The following GBE1 variants were observed in gnomAD, a reference collection of about 807,000 sequenced individuals.
The protein encoded by GBE1 is 1,4-alpha-glucan branching enzyme 1.
In GBE1, 70 loss-of-function variants were observed where a neutral mutation model predicts 88.8. That is an observed-to-expected ratio of 0.79 (90% CI 0.65 to 0.96). GBE1 has a LOEUF of 0.96. GBE1 is among the 40% of genes least tolerant of loss of function. The probability of loss-of-function intolerance (pLI) is 0.00; values close to 1 mark genes in which losing one functional copy is unlikely to be tolerated. For missense variants in GBE1, 872 were observed against 871.0 expected, an observed-to-expected ratio of 1.00 and a Z score of -0.01; for synonymous variants, 284 against 300.1, an observed-to-expected ratio of 0.95 and a Z score of 0.56.
At chr3:81,742,044 TTC>T (rs1706357054) in intron 1 of GBE1, among the ~76,000 whole-genome samples, 3 of 151,956 alleles carry the variant, frequency 2.0e-5, no homozygotes, top group Admixed American at 6.6e-5. Flanking sequence ...TCTTGCATGT[TTC>T]TGTTTGCCAG....
At chr3:81,698,113 A>G (rs1051850054) in intron 2 of GBE1, among the ~76,000 whole-genome samples, 1 of 150,000 alleles carries the variant, frequency 6.7e-6, no homozygotes, top group Non-Finnish European at 1.5e-5. Context: ...TCTAACAGCA[A>G]TCTCCTAAAA....
chr3:81,672,994 T>C (rs904923652), intron 2 of GBE1, among the ~76,000 whole-genome samples: 1 of 151,926 alleles, frequency 6.6e-6, no homozygotes, highest in Non-Finnish European at 1.5e-5. Context: ...TTCTCCATCA[T>C]GAAGACAACC....
chr3:81,585,359 A>G (rs1351473521), intron 10 of GBE1, among the ~76,000 whole-genome samples: 1 of 152,146 alleles, frequency 6.6e-6, no homozygotes, highest in African/African-American at 2.4e-5. Context: ...TGTCTGAAAT[A>G]AAGGGCTCAT....
At chr3:81,629,752 C>T (rs908240135) in intron 7 of GBE1, among the ~76,000 whole-genome samples, 4 of 151,944 alleles carry the variant, frequency 2.6e-5, no homozygotes, top group Non-Finnish European at 4.4e-5. Flanking sequence ...TTTTAGGGTA[C>T]ATGTGCACAA....
At chr3:81,636,474 T>A (rs1406533129) in intron 7 of GBE1, among the ~76,000 whole-genome samples, 2 of 152,118 alleles carry the variant, frequency 1.3e-5, no homozygotes, top group African/African-American at 4.8e-5. Context: ...TTTGGAATAG[T>A]TAGCTGTTTG....
At chr3:81,623,241 C>T (rs771347814) in intron 7 of GBE1, among the ~76,000 whole-genome samples, 4 of 152,178 alleles carry the variant, frequency 2.6e-5, no homozygotes, top group Non-Finnish European at 5.9e-5. Context: ...CCTGGCCTTC[C>T]TTTAAACACA....
chr3:81,527,199 C>T (rs558311769), intron 14 of GBE1, among the ~76,000 whole-genome samples: 29 of 152,222 alleles, frequency 1.9e-4, no homozygotes, highest in Non-Finnish European at 2.6e-4. Flanking sequence ...CCCTTCCTTA[C>T]GCCTTATATT....
chr3:81,631,454 T>A (rs1233308267), intron 7 of GBE1, among the ~76,000 whole-genome samples: 1 of 151,786 alleles, frequency 6.6e-6, no homozygotes, highest in East Asian at 1.9e-4. Context: ...AATTTAACAA[T>A]GACCAGGCGT....
rs1704027117 is a variant in GBE1, at chr3:81,601,062, T to C, written c.993-7039A>G. Among the ~76,000 whole-genome samples the C allele has an allele frequency of 2.0e-5, 3 of 152,094 alleles. No homozygotes were observed. In the South Asian group the frequency reaches 6.2e-4, roughly 31 times the overall value. On this transcript the variant is annotated intron_variant, in intron 7 of 15. Transcript: ENST00000429644. The stretch of plus-strand genomic sequence containing the variant: ...TAAATAATATATATGTTTCTAATTA[T>C]ATTTGGATACATTCCCACAAGCAAA...
chr3:81,664,862 T>G (rs1705089072), intron 3 of GBE1, among the ~76,000 whole-genome samples: 1 of 152,314 alleles, frequency 6.6e-6, no homozygotes, highest in Middle Eastern at 3.4e-3. Flanking sequence ...CTAACTATAT[T>G]TAGCATAATG....
At chr3:81,524,578 T>C (rs1428399804) in intron 14 of GBE1, among the ~76,000 whole-genome samples, 1 of 151,858 alleles carries the variant, frequency 6.6e-6, no homozygotes, top group African/African-American at 2.4e-5. Flanking sequence ...TTTGATTTGT[T>C]TTTTGTATAT....
intron 5 of GBE1, 59 bp from the exon 6 acceptor site, chr3:81,646,541 G>A: frequency 2.0e-5 from 18 of 899,756 alleles, no homozygotes; most frequent in East Asian, 5.3e-5. Context: ...AAAGTAATGG[G>A]GAAAAAAAGC....
intron 2 of GBE1, among the ~76,000 whole-genome samples, chr3:81,686,194 T>G (rs1160911165): frequency 6.6e-6 from 1 of 152,164 alleles, no homozygotes; most frequent in African/African-American, 2.4e-5. Context: ...AAAATAATGT[T>G]TCGCTTTTGT....
intron 1 of GBE1, among the ~76,000 whole-genome samples, chr3:81,730,111 G>A (rs1285007760): frequency 6.6e-6 from 1 of 151,944 alleles, no homozygotes; most frequent in Non-Finnish European, 1.5e-5. Flanking sequence ...GACACAACAG[G>A]GCCTGTGACC....
intron 7 of GBE1, among the ~76,000 whole-genome samples, chr3:81,607,055 T>C (rs561693504): frequency 2.8e-4 from 43 of 152,332 alleles, no homozygotes; most frequent in Non-Finnish European, 5.3e-4. Flanking sequence ...CTACACCATA[T>C]TGCCATTTAT....
chr3:81,545,177 G>T (rs1373720777), intron 12 of GBE1, among the ~76,000 whole-genome samples: 4 of 152,016 alleles, frequency 2.6e-5, no homozygotes, highest in Admixed American at 2.6e-4. Flanking sequence ...ACCAAAGTGT[G>T]AGGCACAGCA....
intron 7 of GBE1, among the ~76,000 whole-genome samples, chr3:81,631,099 T>C (rs976328439): frequency 1.3e-5 from 2 of 151,860 alleles, no homozygotes; most frequent in African/African-American, 4.8e-5. Context: ...AGCTACTCAG[T>C]AGGCTTAGGT....
At chr3:81,556,274 A>C (rs1703347536) in intron 12 of GBE1, among the ~76,000 whole-genome samples, 2 of 152,052 alleles carry the variant, frequency 1.3e-5, no homozygotes, top group African/African-American at 4.8e-5. Flanking sequence ...ACTTTAAACA[A>C]TATAAACAAA....
At chr3:81,523,381 T>C (rs1702899019) in intron 14 of GBE1, among the ~76,000 whole-genome samples, 1 of 151,510 alleles carries the variant, frequency 6.6e-6, no homozygotes, top group South Asian at 2.1e-4. Context: ...AGTAGGTATA[T>C]ATGTTTATGG....
Sources: gnomAD v4.1 joint callset for allele counts (sites outside exome capture counted in the v4.1 genomes callset) on GRCh38, gnomAD v4.1.1 for gene constraint, MANE v1.5 for transcripts, NCBI Gene and HGNC (gene_info 2026-07-23, HGNC 2026-07-21) for gene names.